The following COPG2 variants were observed in gnomAD, a reference collection of about 807,000 sequenced individuals.
COPG2 encodes coatomer subunit gamma-2.
COPG2 carries 37 observed loss-of-function variants against 46.3 expected under a neutral mutation model. The observed-to-expected ratio is 0.80, with a 90% CI of 0.61 to 1.05. The LOEUF (loss-of-function observed/expected upper bound fraction) is 1.05, where lower values mean the gene tolerates loss of function less well. COPG2 is among the 50% of genes least tolerant of loss of function. COPG2 has a pLI of 0.00. For missense variants in COPG2, 427 were observed against 387.8 expected, an observed-to-expected ratio of 1.10 and a Z score of -0.85; for synonymous variants, 159 against 129.7, an observed-to-expected ratio of 1.23 and a Z score of -1.53.
Position 130,616,897 on chromosome 7 carries a change from A to T in COPG2, c.399+93T>A, listed in dbSNP as rs1195480549. ...TGTTTCTCTTATACTGAAAATTCAC[A>T]AAGTCAGACTAGGAAATCCTACTAA... On this transcript the variant is annotated intron_variant, in intron 6 of 23. Coordinates refer to ENST00000425248, the MANE Select transcript of COPG2 (RefSeq NM_012133.6). The T allele has an allele frequency of 7.6e-5, 58 of 763,146 alleles. No individual in the cohort carries two copies. In the Admixed American group the frequency reaches 1.5e-3, roughly 20 times the overall value. The allele number at this position is 763,146 out of a possible 1,614,324, so 47.3% of individuals were successfully genotyped here.
At chr7:130,523,167 T>G (rs1799739864) in intron 20 of COPG2, among the ~76,000 whole-genome samples, 1 of 127,824 alleles carries the variant, frequency 7.8e-6, no homozygotes. Context: ...GAGACTGAAG[T>G]GCAGGGAGTC....
intron 9 of COPG2, chr7:130,610,386 C>T: frequency 5.7e-6 from 2 of 350,436 alleles, no homozygotes; most frequent in Non-Finnish European, 5.6e-6. Flanking sequence ...CCTCAGTTTG[C>T]CAGGCCACAT....
intron 14 of COPG2, 120 bp from the exon 15 acceptor site, chr7:130,552,550 T>C: frequency 5.1e-6 from 2 of 393,884 alleles, no homozygotes; most frequent in Non-Finnish European, 9.0e-6. Context: ...TCCCTTGTTT[T>C]ATTGAGTGTT....
chr7:130,646,586 T>C (rs1302254011), intron 5 of COPG2, among the ~76,000 whole-genome samples: 1 of 152,146 alleles, frequency 6.6e-6, no homozygotes, highest in Non-Finnish European at 1.5e-5. Context: ...CAAAAAAATT[T>C]TGAATTCTGA....
intron 9 of COPG2, among the ~76,000 whole-genome samples, chr7:130,593,189 G>A (rs1274262302): frequency 6.6e-6 from 1 of 152,236 alleles, no homozygotes; most frequent in East Asian, 1.9e-4. Context: ...GTAAAGCAAA[G>A]GACCAGAGGT....
At chr7:130,604,749 C>A (rs782678037) in intron 9 of COPG2, 7 of 515,152 alleles carry the variant, frequency 1.4e-5, no homozygotes, top group Admixed American at 7.9e-5. Flanking sequence ...GTCTCATTCA[C>A]AATCTCTAGG....
At chr7:130,577,388 G>C (rs956238490) in intron 9 of COPG2, among the ~76,000 whole-genome samples, 35 of 152,304 alleles carry the variant, frequency 2.3e-4, no homozygotes, top group Non-Finnish European at 1.0e-4. Flanking sequence ...TTCCCTTTCC[G>C]AGTCAAAGAA....
At chr7:130,655,138 C>T (rs1795824709) in intron 4 of COPG2, among the ~76,000 whole-genome samples, 1 of 152,002 alleles carries the variant, frequency 6.6e-6, no homozygotes, top group African/African-American at 2.4e-5. Flanking sequence ...TGTTTATTTG[C>T]ATATCTGATC....
intron 5 of COPG2, among the ~76,000 whole-genome samples, chr7:130,645,068 C>CAAAAAAAA (rs59544911): frequency 8.8e-6 from 1 of 113,450 alleles, no homozygotes. Context: ...ATCCCAAAAA[C>CAAAAAAAA]AAAAAAAAAA....
intron 9 of COPG2, among the ~76,000 whole-genome samples, chr7:130,572,311 T>TA (rs1554445652): frequency 6.6e-6 from 1 of 152,138 alleles, no homozygotes; most frequent in African/African-American, 2.4e-5. Context: ...ATAGAACAAC[T>TA]AAGCAGAAAA....
chr7:130,515,460 T>C (rs1416283874), intron 20 of COPG2, among the ~76,000 whole-genome samples: 1 of 152,174 alleles, frequency 6.6e-6, no homozygotes, highest in Non-Finnish European at 1.5e-5. Context: ...CACCTCCCAC[T>C]AGGCCCTACC....
intron 9 of COPG2, among the ~76,000 whole-genome samples, chr7:130,609,610 TTTC>T (rs1438361832): frequency 5.9e-5 from 9 of 152,362 alleles, no homozygotes; most frequent in Admixed American, 4.6e-4. Flanking sequence ...TTCTGTTTCC[TTTC>T]CTTCTGAGAC....
intron 9 of COPG2, chr7:130,610,083 T>C (rs1554451802): frequency 1.9e-6 from 1 of 519,494 alleles, no homozygotes; most frequent in Non-Finnish European, 3.9e-6. Context: ...ACTATTTTTT[T>C]CCCTCTTGTT....
chr7:130,659,494 C>T (rs1795931462), intron 4 of COPG2, among the ~76,000 whole-genome samples: 2 of 151,988 alleles, frequency 1.3e-5, no homozygotes, highest in African/African-American at 4.8e-5. Flanking sequence ...CAACTTATAT[C>T]TACCAATGGG....
At chr7:130,541,578 T>A (rs1036148141) in intron 20 of COPG2, among the ~76,000 whole-genome samples, 2 of 151,888 alleles carry the variant, frequency 1.3e-5, no homozygotes, top group Non-Finnish European at 2.9e-5. Flanking sequence ...AAAATTGCTA[T>A]GGTGATAGGA....
chr7:130,625,786 T>C (rs1192758742), intron 5 of COPG2, among the ~76,000 whole-genome samples: 1 of 152,144 alleles, frequency 6.6e-6, no homozygotes, highest in Non-Finnish European at 1.5e-5. Flanking sequence ...CATTAATTTC[T>C]GTTTTTATCT....
intron 5 of COPG2, among the ~76,000 whole-genome samples, chr7:130,623,721 G>A (rs573477819): frequency 2.0e-4 from 31 of 152,262 alleles, no homozygotes; most frequent in African/African-American, 7.2e-4. Flanking sequence ...GCATGGTGGT[G>A]CATGCTACGG....
At chr7:130,512,669 G>A (rs1278800169) in intron 20 of COPG2, among the ~76,000 whole-genome samples, 3 of 152,146 alleles carry the variant, frequency 2.0e-5, no homozygotes, top group Middle Eastern at 3.4e-3. Flanking sequence ...GCACATGCCT[G>A]TAATCCTGGA....
intron 4 of COPG2, among the ~76,000 whole-genome samples, chr7:130,662,523 G>A (rs1795998638): frequency 6.6e-6 from 1 of 152,164 alleles, no homozygotes; most frequent in Non-Finnish European, 1.5e-5. Flanking sequence ...GTAATGAGAG[G>A]CAGGTTTAGT....
Sources: gnomAD v4.1 joint callset for allele counts (sites outside exome capture counted in the v4.1 genomes callset) on GRCh38, gnomAD v4.1.1 for gene constraint, MANE v1.5 for transcripts, NCBI Gene and HGNC (gene_info 2026-07-23, HGNC 2026-07-21) for gene names.